The following NUP153 variants were observed in gnomAD, a reference collection of about 807,000 sequenced individuals.
The protein encoded by NUP153 is nucleoporin 153.
In NUP153, 27 loss-of-function variants were observed where a neutral mutation model predicts 134.6. That is an observed-to-expected ratio of 0.20 (90% CI 0.15 to 0.28). NUP153 has a LOEUF of 0.28. Ranked by LOEUF, NUP153 falls within the 10% of genes least tolerant of loss-of-function variation. NUP153 has a pLI of 1.00. For missense variants in NUP153, 1,821 were observed against 1,731.3 expected (o/e 1.05, Z -0.92); for synonymous variants, 640 against 623.5 (o/e 1.03, Z -0.40).
chr6:17,651,845 G>T (rs936173044), intron 11 of NUP153: 7 of 659,718 alleles, frequency 1.1e-5, no homozygotes, highest in Non-Finnish European at 1.7e-5. Context: ...TGTAATCTCA[G>T]CACTTTGAGA....
chr6:17,623,151 T>A (rs551969406), intron 20 of NUP153, among the ~76,000 whole-genome samples: 58 of 148,534 alleles, frequency 3.9e-4, no homozygotes, highest in Non-Finnish European at 7.0e-4. Context: ...AAAAAGACGA[T>A]GACAACAGAG....
chr6:17,672,487 G>A (rs1581739995), intron 5 of NUP153, among the ~76,000 whole-genome samples: 2 of 152,156 alleles, frequency 1.3e-5, no homozygotes, highest in Admixed American at 1.3e-4. Context: ...AAAGTGGGAG[G>A]ATCACTTGAG....
intron 17 of NUP153, among the ~76,000 whole-genome samples, chr6:17,632,264 G>C (rs1454785840): frequency 1.3e-5 from 2 of 151,996 alleles, no homozygotes; most frequent in Non-Finnish European, 2.9e-5. Context: ...TCGCGCCCCC[G>C]TACTCCAGCC....
At chr6:17,702,566 C>T (rs934458957) in intron 1 of NUP153, among the ~76,000 whole-genome samples, 10 of 151,886 alleles carry the variant, frequency 6.6e-5, no homozygotes, top group African/African-American at 2.4e-4. Flanking sequence ...ATGCCAGCTA[C>T]TCGGGAGGCT....
chr6:17,681,544 T>G (rs932783413), intron 2 of NUP153, among the ~76,000 whole-genome samples: 1 of 152,110 alleles, frequency 6.6e-6, no homozygotes. Context: ...ATCATGCCAC[T>G]GTACTCCAGC....
At chr6:17,667,496 C>T (rs1224501257) in intron 8 of NUP153, among the ~76,000 whole-genome samples, 3 of 152,142 alleles carry the variant, frequency 2.0e-5, no homozygotes, top group Admixed American at 6.5e-5. Context: ...GGGCGGATCA[C>T]GAGGTCAAGA....
chr6:17,639,810 T>C, intron 15 of NUP153, 129 bp downstream of exon 15: 3 of 746,910 alleles, frequency 4.0e-6, no homozygotes, highest in East Asian at 2.7e-5. Context: ...CCTAACTACA[T>C]CTCTATTCAA....
intron 11 of NUP153, among the ~76,000 whole-genome samples, chr6:17,657,015 G>T (rs1232889420): frequency 6.6e-6 from 1 of 152,182 alleles, no homozygotes; most frequent in Non-Finnish European, 1.5e-5. Context: ...CTGCCATCTT[G>T]TAAGTTCAAG....
Position 17,698,195 on chromosome 6 carries a change from G to A in NUP153, c.111+8082C>T, listed in dbSNP as rs969393564. ...AGAAAAGTACTTTAAATGGCTAGAG[G>A]ACTTGGACTGATTGGATAGGGTAAA... is the stretch of plus-strand genomic sequence containing the variant. On this transcript the variant is annotated intron_variant, in intron 1 of 21. Transcript: ENST00000262077. Among the ~76,000 whole-genome samples, 5 of 152,198 alleles carry A rather than the reference G, an allele frequency of 3.3e-5. No homozygotes were observed. The South Asian group carries it at 8.3e-4, about 25-fold the overall frequency.
chr6:17,671,867 GCA>G (rs1767934049), intron 5 of NUP153, among the ~76,000 whole-genome samples: 1 of 152,126 alleles, frequency 6.6e-6, no homozygotes, highest in Non-Finnish European at 1.5e-5. Flanking sequence ...AATTAGTGGG[GCA>G]TGGTGGTGTG....
At chr6:17,653,715 G>C (rs1275860448) in intron 11 of NUP153, among the ~76,000 whole-genome samples, 3 of 152,218 alleles carry the variant, frequency 2.0e-5, no homozygotes, top group African/African-American at 7.2e-5. Flanking sequence ...TGAGAACAGT[G>C]ATTGCCTCTG....
At position 17,638,096 on chromosome 6, in the gene NUP153, T is replaced by C. The variant is rs1447697727; in HGVS notation, c.1847-326A>G. 1.3e-5 allele frequency among the ~76,000 whole-genome samples: 2 copies of C among 152,244 alleles called. No individual in the cohort carries two copies. Among genetic ancestry groups the C allele is most frequent in the Non-Finnish European group, 2.9e-5 (2 of 68,044 alleles). Reference sequence around the variant, plus strand: ...TCCACATTTTGCTATATTCTGTCTCTCTACAAACACACAATACTCGCAGTC... The same window carrying C: ...TCCACATTTTGCTATATTCTGTCTCCCTACAAACACACAATACTCGCAGTC... On this transcript the variant is annotated intron_variant, in intron 15 of 21. Transcript: ENST00000262077. The surrounding 1 kb of genome is among the most constrained non-coding windows in gnomAD (Gnocchi z 4.0).
At chr6:17,648,294 C>T (rs1766320749) in intron 12 of NUP153, among the ~76,000 whole-genome samples, 1 of 152,128 alleles carries the variant, frequency 6.6e-6, no homozygotes, top group African/African-American at 2.4e-5. Context: ...CAAGACCAGC[C>T]TGGGTAACAC....
intron 1 of NUP153, among the ~76,000 whole-genome samples, chr6:17,693,380 G>C (rs956937380): frequency 6.6e-6 from 1 of 152,048 alleles, no homozygotes; most frequent in African/African-American, 2.4e-5. Flanking sequence ...AGTAAAGAGA[G>C]GTCTTTTTTT....
rs1581647951 is a variant in NUP153 at position 17,616,042 on chromosome 6, T to A, written c.*55A>T. On this transcript the variant is annotated 3_prime_UTR_variant, in exon 22 of 22. Transcript: ENST00000262077. ...CCCCAGCACAAAGTACAATCCAGTATCTGAAAGCAGGGCACCAGCTGTTGT... is the reference window on the plus strand; with the variant it reads ...CCCCAGCACAAAGTACAATCCAGTAACTGAAAGCAGGGCACCAGCTGTTGT... 8.1e-7 allele frequency: 1 copy of A among 1,238,472 alleles called. No homozygotes were observed. Among genetic ancestry groups the A allele is most frequent in the Non-Finnish European group, 1.2e-6 (1 of 838,438 alleles). 76.7% of individuals were successfully genotyped at this position (1,238,472 alleles called of 1,614,324 possible).
At chr6:17,644,171 T>C (rs1291178725) in intron 14 of NUP153, among the ~76,000 whole-genome samples, 1 of 152,232 alleles carries the variant, frequency 6.6e-6, no homozygotes, top group African/African-American at 2.4e-5. Flanking sequence ...AGCTTCTATG[T>C]CCTGACTCTT....
rs1769119071 is a variant in NUP153 at position 17,689,039 on chromosome 6, A to G, written c.112-421T>C. The stretch of plus-strand genomic sequence containing the variant: ...TTTTACTGCACATGCTTTAAGATAA[A>G]TAAAAATTCAGACAACTAGAAATAC... On this transcript the variant is annotated intron_variant, in intron 1 of 21. Transcript: ENST00000262077. Among the ~76,000 whole-genome samples the G allele has an allele frequency of 3.3e-5, 5 of 152,016 alleles. No homozygotes were observed. In the South Asian group the frequency reaches 1.0e-3, roughly 31 times the overall value.
intron 9 of NUP153, among the ~76,000 whole-genome samples, chr6:17,663,947 C>CA (rs1234301307): frequency 4.0e-5 from 6 of 151,830 alleles, no homozygotes; most frequent in South Asian, 2.1e-4. Context: ...CACAAACACA[C>CA]AAAAAAACAC....
chr6:17,647,976 T>G (rs1766296442), intron 12 of NUP153, 71 bp from the exon 13 acceptor site: 1 of 897,148 alleles, frequency 1.1e-6, no homozygotes, highest in African/African-American at 1.7e-5. Context: ...AAAAAAGACA[T>G]TAAGCAAACT....
Sources: allele counts gnomAD v4.1 joint callset (sites outside exome capture counted in the v4.1 genomes callset), GRCh38; gene constraint gnomAD v4.1.1; non-coding constraint Gnocchi (gnomAD v3.1); transcripts MANE v1.5; gene names NCBI Gene and HGNC (gene_info 2026-07-23, HGNC 2026-07-21).